ZNF385D: variants seen among roughly 807,000 people sequenced by gnomAD.
ZNF385D encodes the protein zinc finger protein 385D, also known as zinc finger protein 659.
ZNF385D carries 15 observed loss-of-function variants against 35.8 expected under a neutral mutation model. The observed-to-expected ratio is 0.42, with a 90% CI of 0.28 to 0.64. The LOEUF (loss-of-function observed/expected upper bound fraction) is 0.64. Among genes scored for constraint, ZNF385D ranks in the 30% least tolerant of loss-of-function variants. The pLI, the probability that ZNF385D is intolerant of heterozygous loss-of-function variation, is 0.23. For synonymous variants in ZNF385D, 212 were observed against 186.8 expected, an observed-to-expected ratio of 1.13 and a Z score of -1.10; for missense variants, 474 against 494.6, an observed-to-expected ratio of 0.96 and a Z score of 0.39.
intron 2 of ZNF385D, among the ~76,000 whole-genome samples, chr3:21,611,912 C>G (rs964500584): frequency 6.6e-6 from 1 of 151,960 alleles, no homozygotes; most frequent in Non-Finnish European, 1.5e-5. Context: ...TGTTGTACCT[C>G]AGTATACTTT....
intron 3 of ZNF385D, among the ~76,000 whole-genome samples, chr3:21,792,632 G>A (rs1449643709): frequency 2.6e-5 from 4 of 152,056 alleles, no homozygotes; most frequent in African/African-American, 9.7e-5. Flanking sequence ...GGAACCCGAA[G>A]CAGATGTCCA....
chr3:21,614,036 G>A (rs2125796042), intron 2 of ZNF385D, among the ~76,000 whole-genome samples: 1 of 152,318 alleles, frequency 6.6e-6, no homozygotes, highest in Non-Finnish European at 1.5e-5. Context: ...GACCCTAGAT[G>A]ACAAAGGTTC....
At chr3:22,028,642 G>T (rs1329597864) in intron 3 of ZNF385D, among the ~76,000 whole-genome samples, 2 of 152,164 alleles carry the variant, frequency 1.3e-5, no homozygotes, top group Non-Finnish European at 2.9e-5. Flanking sequence ...CTTCTGCCAA[G>T]ACTACCATCT....
intron 1 of ZNF385D, among the ~76,000 whole-genome samples, chr3:21,687,870 T>C (rs1000413950): frequency 6.6e-6 from 1 of 152,176 alleles, no homozygotes; most frequent in African/African-American, 2.4e-5. Context: ...ATATGGTTAT[T>C]GTAGAAAAGT....
chr3:21,569,908 TG>T (rs1553614701), intron 2 of ZNF385D, among the ~76,000 whole-genome samples: 1 of 9,670 alleles, frequency 1.0e-4, no homozygotes, highest in Non-Finnish European at 1.9e-4. Flanking sequence ...GGGACTGTTG[TG>T]GGGTGGGGGG....
rs137989343 is a variant in ZNF385D at position 21,522,417 on chromosome 3, A to T, written c.277-11394T>A. On this transcript the variant is annotated intron_variant, in intron 3 of 7. Coordinates refer to ENST00000281523, the MANE Select transcript of ZNF385D (RefSeq NM_024697.3). ...CAATGGCACGATCTTGGCTCATCAC[A>T]GCAACTCCGCCTCCTGGGTTCAAGC... Among the ~76,000 whole-genome samples the T allele has an allele frequency of 4.6e-3, 695 of 152,162 alleles. 2 individuals carry two copies. Among genetic ancestry groups the T allele is most frequent in the Non-Finnish European group, 5.5e-3 (377 of 68,012 alleles).
At chr3:22,148,866 G>C (rs1705039173) in intron 3 of ZNF385D, among the ~76,000 whole-genome samples, 1 of 152,138 alleles carries the variant, frequency 6.6e-6, no homozygotes, top group Non-Finnish European at 1.5e-5. Context: ...AAGAAAGATA[G>C]ACGAAACCTA....
intron 2 of ZNF385D, among the ~76,000 whole-genome samples, chr3:22,278,528 A>G (rs1701550480): frequency 6.6e-6 from 1 of 152,124 alleles, no homozygotes; most frequent in Admixed American, 6.6e-5. Context: ...AGTATTGAAC[A>G]ATATACTTTA....
At chr3:21,692,136 A>G (rs1032694271) in intron 1 of ZNF385D, among the ~76,000 whole-genome samples, 2 of 152,160 alleles carry the variant, frequency 1.3e-5, no homozygotes, top group African/African-American at 4.8e-5. Flanking sequence ...TCTGTCAATG[A>G]AGATTTGGGT....
At chr3:22,112,839 G>T (rs202083023) in intron 3 of ZNF385D, among the ~76,000 whole-genome samples, 1 of 147,830 alleles carries the variant, frequency 6.8e-6, no homozygotes, top group Non-Finnish European at 1.5e-5. Context: ...CCCTTCCTAT[G>T]GGGGGGAAAA....
intron 3 of ZNF385D, among the ~76,000 whole-genome samples, chr3:21,800,821 G>T (rs2072362448): frequency 6.6e-6 from 1 of 151,904 alleles, no homozygotes; most frequent in Admixed American, 6.6e-5. Context: ...TATGTTATCT[G>T]CACATAGTTT....
At position 22,228,771 on chromosome 3, in the gene ZNF385D, AG is replaced by A. The variant is rs1698714238; in HGVS notation, c.107-59737del. Among the ~76,000 whole-genome samples the A allele has an allele frequency of 2.0e-5, 3 of 152,332 alleles. No individual in the cohort carries two copies. In the East Asian group the frequency reaches 5.8e-4, roughly 29 times the overall value. ...GCACAATCTAATCAGCTGCCAGCAC[AG>A]CTAGAATAAAAGCAGGCAGAAGAAT... On this transcript the variant is annotated intron_variant, in intron 2 of 5. Coordinates refer to the ZNF385D transcript ENST00000494108.
At chr3:21,550,084 C>G (rs1348535451) in intron 3 of ZNF385D, among the ~76,000 whole-genome samples, 13 of 152,130 alleles carry the variant, frequency 8.5e-5, no homozygotes, top group Admixed American at 8.5e-4. Context: ...AAATATGCAG[C>G]TTAAAAACGT....
chr3:21,939,648 G>A (rs531062264), intron 3 of ZNF385D, among the ~76,000 whole-genome samples: 5 of 152,288 alleles, frequency 3.3e-5, no homozygotes, highest in African/African-American at 1.2e-4. Context: ...GAGAAATCAA[G>A]TGTTAAATAA....
chr3:21,914,020 G>A (rs931822141), intron 3 of ZNF385D, among the ~76,000 whole-genome samples: 1 of 152,072 alleles, frequency 6.6e-6, no homozygotes, highest in Non-Finnish European at 1.5e-5. Flanking sequence ...TCATGCTTGT[G>A]AGGCAGCTGT....
intron 3 of ZNF385D, among the ~76,000 whole-genome samples, chr3:21,989,880 G>T (rs1695052710): frequency 6.6e-6 from 1 of 152,192 alleles, no homozygotes; most frequent in Admixed American, 6.5e-5. Context: ...CGTTGAGTGA[G>T]AATTTCTTTC....
chr3:21,545,798 T>C (rs1156877506), intron 3 of ZNF385D, among the ~76,000 whole-genome samples: 1 of 152,128 alleles, frequency 6.6e-6, no homozygotes. Context: ...TGACTTGTGT[T>C]CAGTAAAGAG....
At chr3:21,802,086 A>G (rs2072432956) in intron 3 of ZNF385D, among the ~76,000 whole-genome samples, 1 of 152,190 alleles carries the variant, frequency 6.6e-6, no homozygotes, top group African/African-American at 2.4e-5. Context: ...ATAACAGACT[A>G]CAGAAATGCC....
intron 3 of ZNF385D, among the ~76,000 whole-genome samples, chr3:21,862,122 C>G (rs148130936): frequency 6.6e-6 from 1 of 151,918 alleles, no homozygotes; most frequent in Non-Finnish European, 1.5e-5. Context: ...GACAAACAGC[C>G]GAGTACCTTG....
Sources: gnomAD v4.1 joint callset for allele counts (sites outside exome capture counted in the v4.1 genomes callset) on GRCh38, gnomAD v4.1.1 for gene constraint, MANE v1.5 for transcripts, NCBI Gene and HGNC (gene_info 2026-07-23, HGNC 2026-07-21) for gene names.